SLC13A3: variants seen among roughly 807,000 people sequenced by gnomAD.
SLC13A3 encodes the protein solute carrier family 13 member 3.
Under a neutral mutation model 59.0 loss-of-function variants are expected in SLC13A3, and 40 were observed. The ratio of observed to expected loss-of-function variants is 0.68; its 90% CI spans 0.53 to 0.88. The LOEUF (loss-of-function observed/expected upper bound fraction) is 0.88. Ranked by LOEUF, SLC13A3 falls within the 40% of genes least tolerant of loss-of-function variation. SLC13A3 has a pLI of 0.00. For synonymous variants in SLC13A3, 317 were observed against 330.3 expected (o/e 0.96, Z 0.44); for missense variants, 699 against 783.2 (o/e 0.89, Z 1.28).
intron 6 of SLC13A3, among the ~76,000 whole-genome samples, chr20:46,590,100 C>T (rs1010700896): frequency 3.2e-4 from 49 of 152,086 alleles, no homozygotes; most frequent in African/African-American, 8.4e-4. Flanking sequence ...GTTGTGTGTC[C>T]ATAAATGGTG....
At position 46,564,297 on chromosome 20, in the gene SLC13A3, C is replaced by T. The variant is rs890676383; in HGVS notation, c.1495-746G>A. 9.8e-5 allele frequency among the ~76,000 whole-genome samples: 15 copies of T among 152,336 alleles called. No individual in the cohort carries two copies. In the East Asian group the frequency reaches 1.4e-3, roughly 14 times the overall value. ...CTATGAGCTGGCCTCAGCTAGTGGG[C>T]CACCAGTTTGTCACCTCTCCTGCCT... On this transcript the variant is annotated intron_variant, in intron 11 of 12. Transcript: ENST00000279027.
Position 46,613,444 on chromosome 20 carries a change from CA to C in SLC13A3, c.377+15del. 1 of 1,564,994 alleles carries C rather than the reference CA, an allele frequency of 6.4e-7. No homozygotes were observed. Among genetic ancestry groups the C allele is most frequent in the Non-Finnish European group, 8.7e-7 (1 of 1,152,096 alleles). On this transcript the variant is annotated intron_variant, in intron 2 of 12. Coordinates refer to ENST00000279027, the MANE Select transcript of SLC13A3 (RefSeq NM_022829.6). Reference sequence around the variant, plus strand: ...TGCCTCTCCGCTGTAGGGCTGGAACCATTACCTGTTCTTACCTGGCCGGCTG... The same window carrying C: ...TGCCTCTCCGCTGTAGGGCTGGAACCTTACCTGTTCTTACCTGGCCGGCTG...
intron 1 of SLC13A3, among the ~76,000 whole-genome samples, chr20:46,663,009 G>A (rs1476026896): frequency 6.6e-6 from 1 of 152,150 alleles, no homozygotes; most frequent in African/African-American, 2.4e-5. Flanking sequence ...CTGCTTGGGG[G>A]CTGGGCATGG....
intron 1 of SLC13A3, among the ~76,000 whole-genome samples, chr20:46,677,264 C>T (rs988108965): frequency 6.6e-6 from 1 of 152,254 alleles, no homozygotes; most frequent in African/African-American, 2.4e-5. Context: ...CACATATAAA[C>T]ATGCCTGCAG....
At chr20:46,683,305 G>A (rs1343926457) in intron 1 of SLC13A3, among the ~76,000 whole-genome samples, 1 of 152,238 alleles carries the variant, frequency 6.6e-6, no homozygotes, top group East Asian at 1.9e-4. Context: ...GAAGCTGGAA[G>A]CTTGCACGGG....
At chr20:46,676,389 A>C (rs2063125574) in intron 1 of SLC13A3, among the ~76,000 whole-genome samples, 2 of 139,636 alleles carry the variant, frequency 1.4e-5, no homozygotes, top group African/African-American at 2.7e-5. Context: ...CCCCTTCACC[A>C]AGGGCAGCCA....
intron 1 of SLC13A3, among the ~76,000 whole-genome samples, chr20:46,635,055 T>C (rs192626448): frequency 3.3e-5 from 5 of 152,246 alleles, no homozygotes; most frequent in Non-Finnish European, 5.9e-5. Context: ...GGGCTCTTCA[T>C]TTTAGTTTTT....
chr20:46,566,860 T>G (rs1208608990), intron 10 of SLC13A3, among the ~76,000 whole-genome samples: 1 of 150,954 alleles, frequency 6.6e-6, no homozygotes, highest in African/African-American at 2.4e-5. Flanking sequence ...AGACTTACTA[T>G]ATATCATATA....
intron 3 of SLC13A3, among the ~76,000 whole-genome samples, chr20:46,604,751 C>T (rs968256954): frequency 1.3e-5 from 2 of 152,264 alleles, no homozygotes; most frequent in South Asian, 2.1e-4. Flanking sequence ...CCCCTGAGCA[C>T]GAGTGCTGGG....
intron 3 of SLC13A3, among the ~76,000 whole-genome samples, chr20:46,605,619 G>C (rs1184307320): frequency 7.9e-5 from 12 of 152,172 alleles, no homozygotes; most frequent in Admixed American, 7.2e-4. Flanking sequence ...CTGAGGCCTA[G>C]AGAGGTGGGC....
At chr20:46,633,281 C>T (rs2062762670) in intron 1 of SLC13A3, among the ~76,000 whole-genome samples, 1 of 152,182 alleles carries the variant, frequency 6.6e-6, no homozygotes, top group African/African-American at 2.4e-5. Flanking sequence ...GGCCAAGAAG[C>T]ACATTGGCAT....
intron 11 of SLC13A3, among the ~76,000 whole-genome samples, chr20:46,564,338 C>A (rs2061961666): frequency 6.6e-6 from 1 of 152,216 alleles, no homozygotes; most frequent in Non-Finnish European, 1.5e-5. Context: ...TCATACTGAT[C>A]ACTTTTATGG....
intron 1 of SLC13A3, among the ~76,000 whole-genome samples, chr20:46,650,859 G>A (rs534714039): frequency 1.3e-5 from 2 of 152,192 alleles, no homozygotes; most frequent in East Asian, 3.9e-4. Flanking sequence ...GAGTCCAGGA[G>A]TTCCAGACCA....
intron 1 of SLC13A3, among the ~76,000 whole-genome samples, chr20:46,622,488 C>G (rs528001313): frequency 6.6e-6 from 1 of 152,160 alleles, no homozygotes; most frequent in African/African-American, 2.4e-5. Context: ...TCAGAGCCTC[C>G]CCTTTGTCCA....
chr20:46,566,300 T>C lies in SLC13A3; in HGVS notation c.1423A>G (p.Ile475Val), dbSNP rs2061979592. ...ALAVLLITVV[I>V]AFFTEFASNT... ...CTGGCAAACTCAGTGAAGAAGGCGA[T>C]GACCACAGTGATGAGCAGCACAGCC... The change falls in exon 11 of 13, where the codon ATC becomes GTC. Residue 475 changes from isoleucine to valine, a missense_variant. By Grantham distance (29) the Ile-to-Val change is conservative. Coordinates refer to ENST00000279027, the MANE Select transcript of SLC13A3 (RefSeq NM_022829.6). The C allele has an allele frequency of 6.2e-7, 1 of 1,613,644 alleles. No individual in the cohort carries two copies. Among genetic ancestry groups the C allele is most frequent in the East Asian group, 2.2e-5 (1 of 44,830 alleles).
Position 46,588,457 on chromosome 20 carries a change from C to T in SLC13A3, c.1017-294G>A, listed in dbSNP as rs1178769329. On this transcript the variant is annotated intron_variant, in intron 7 of 12. Transcript: ENST00000279027. ...TCACCAGGAGTTTACCAGGGTCCTA[C>T]GGAAAATCAAGAAAGTGAGAAACAG... 3.3e-5 allele frequency among the ~76,000 whole-genome samples: 5 copies of T among 151,772 alleles called. No homozygotes were observed. In the South Asian group the frequency reaches 6.2e-4, roughly 19 times the overall value.
At chr20:46,647,912 A>G (rs770735656) in intron 1 of SLC13A3, among the ~76,000 whole-genome samples, 16 of 152,196 alleles carry the variant, frequency 1.1e-4, no homozygotes, top group Non-Finnish European at 1.8e-4. Context: ...TCCTGATGTG[A>G]TATCTGCAGT....
chr20:46,569,401 T>C (rs1244700485), intron 10 of SLC13A3, among the ~76,000 whole-genome samples: 2 of 152,176 alleles, frequency 1.3e-5, no homozygotes, highest in African/African-American at 2.4e-5. Context: ...AGAGGTGGCA[T>C]GGCCAGAAGG....
intron 1 of SLC13A3, among the ~76,000 whole-genome samples, chr20:46,647,577 T>C (rs2062907433): frequency 6.6e-6 from 1 of 152,194 alleles, no homozygotes; most frequent in Non-Finnish European, 1.5e-5. Context: ...TCCCCAGTGG[T>C]GCTGGAAGCG....
Sources: gnomAD v4.1 joint callset for allele counts (sites outside exome capture counted in the v4.1 genomes callset) on GRCh38, gnomAD v4.1.1 for gene constraint, MANE v1.5 for transcripts, NCBI Gene and HGNC (gene_info 2026-07-23, HGNC 2026-07-21) for gene names.